Variants in DNM3 observed in about 807,000 individuals in gnomAD.
DNM3 encodes dynamin 3, also known as dynamin-3.
In DNM3, 47 loss-of-function variants were observed where a neutral mutation model predicts 101.6. That is an observed-to-expected ratio of 0.46 (90% confidence interval 0.37 to 0.59). The LOEUF is 0.59. DNM3 is among the 20% of genes least tolerant of loss of function. DNM3 has a pLI of 0.00. For synonymous variants in DNM3, 385 were observed against 387.9 expected (o/e 0.99, Z 0.09); for missense variants, 849 against 1,085.7 (o/e 0.78, Z 3.06).
chr1:172,132,079 G>T, intron 14 of DNM3, among the ~76,000 whole-genome samples: 1 of 152,076 alleles, frequency 6.6e-6, no homozygotes, highest in African/African-American at 2.4e-5. Flanking sequence ...TACTTATAAT[G>T]CGGCATGCAA....
At chr1:172,069,356 G>A (rs150443833) in intron 11 of DNM3, among the ~76,000 whole-genome samples, 2 of 152,168 alleles carry the variant, frequency 1.3e-5, no homozygotes, top group East Asian at 3.9e-4. Flanking sequence ...TTTTTCTGAG[G>A]AGAGAGTGGA....
At chr1:172,115,206 G>C (rs557921310) in intron 13 of DNM3, among the ~76,000 whole-genome samples, 14 of 152,200 alleles carry the variant, frequency 9.2e-5, no homozygotes, top group African/African-American at 3.4e-4. Context: ...TCCTCCAAGG[G>C]CATGGCATCT....
At chr1:172,225,438 C>T (rs1170223677) in intron 14 of DNM3, among the ~76,000 whole-genome samples, 2 of 151,846 alleles carry the variant, frequency 1.3e-5, no homozygotes, top group Non-Finnish European at 2.9e-5. Context: ...CCCGACCGTC[C>T]CTCCTTCTAA....
chr1:172,251,966 T>G (rs967232952), intron 14 of DNM3, among the ~76,000 whole-genome samples: 105 of 152,292 alleles, frequency 6.9e-4, no homozygotes, highest in Admixed American at 2.6e-3. Flanking sequence ...AAAGCTGGAC[T>G]CAACTATGGT....
chr1:171,967,206 T>C (rs1473493330), intron 2 of DNM3, among the ~76,000 whole-genome samples: 2 of 152,134 alleles, frequency 1.3e-5, no homozygotes, highest in African/African-American at 2.4e-5. Flanking sequence ...CTACATATGG[T>C]GGCAGTCTCA....
At chr1:172,262,190 C>T (rs2062683854) in intron 15 of DNM3, among the ~76,000 whole-genome samples, 1 of 152,082 alleles carries the variant, frequency 6.6e-6, no homozygotes, top group Admixed American at 6.5e-5. Context: ...TGTCTTGGCT[C>T]CGCAGCAGCT....
intron 1 of DNM3, among the ~76,000 whole-genome samples, chr1:171,911,673 C>T (rs1054666490): frequency 6.6e-6 from 1 of 152,162 alleles, no homozygotes; most frequent in African/African-American, 2.4e-5. Context: ...TTTCCAGCCT[C>T]CTGCCAAGGA....
intron 1 of DNM3, among the ~76,000 whole-genome samples, chr1:171,896,951 A>G (rs573776384): frequency 7.0e-4 from 106 of 152,298 alleles, no homozygotes; most frequent in African/African-American, 2.5e-3. Context: ...TGTTCTTTAC[A>G]TACTACTGCT....
At chr1:172,399,186 G>A (rs1027601889) in intron 20 of DNM3, among the ~76,000 whole-genome samples, 11 of 151,978 alleles carry the variant, frequency 7.2e-5, no homozygotes, top group Admixed American at 5.9e-4. Context: ...TACCCTTTTA[G>A]CACCAATTTT....
chr1:171,937,338 T>C (rs1314817072), intron 2 of DNM3, among the ~76,000 whole-genome samples: 1 of 152,192 alleles, frequency 6.6e-6, no homozygotes, highest in African/African-American at 2.4e-5. Flanking sequence ...TCTGAAAACA[T>C]TTCTTCTTAA....
chr1:172,051,799 T>A (rs760332804), intron 10 of DNM3, among the ~76,000 whole-genome samples: 10 of 152,292 alleles, frequency 6.6e-5, no homozygotes, highest in Non-Finnish European at 1.2e-4. Flanking sequence ...TGTACATCCA[T>A]CATTAGTTTT....
chr1:171,956,740 C>A (rs1387597700), intron 2 of DNM3, among the ~76,000 whole-genome samples: 2 of 152,194 alleles, frequency 1.3e-5, no homozygotes, highest in Non-Finnish European at 2.9e-5. Flanking sequence ...GAGGGCCCTG[C>A]CCCTGCAGCA....
chr1:172,223,138 A>G (rs1340788076), intron 14 of DNM3, among the ~76,000 whole-genome samples: 1 of 152,074 alleles, frequency 6.6e-6, no homozygotes, highest in Non-Finnish European at 1.5e-5. Context: ...TGTTAACTAT[A>G]GTCACCATAC....
At chr1:172,067,113 TA>T (rs1037873154) in intron 10 of DNM3, among the ~76,000 whole-genome samples, 13 of 152,188 alleles carry the variant, frequency 8.5e-5, no homozygotes, top group African/African-American at 2.9e-4. Flanking sequence ...GTAAGTCTTA[TA>T]AAAAAATAGC....
At position 172,167,140 on chromosome 1, in the gene DNM3, G is replaced by A. The variant is rs549980730; in HGVS notation, c.1659+35852G>A. 4.0e-5 allele frequency among the ~76,000 whole-genome samples: 6 copies of A among 151,880 alleles called. No homozygotes were observed. The South Asian group carries it at 1.2e-3, about 32-fold the overall frequency. ...TGTGTCCAAGTGTTCTCATTGTTCA[G>A]TTCCCACCTGTGAGTGAGAACATGC... On this transcript the variant is annotated intron_variant, in intron 14 of 20. Coordinates refer to ENST00000627582, the MANE Select transcript of DNM3 (RefSeq NM_015569.5).
intron 16 of DNM3, among the ~76,000 whole-genome samples, chr1:172,321,256 T>A (rs1213204192): frequency 1.3e-5 from 2 of 152,190 alleles, no homozygotes; most frequent in African/African-American, 4.8e-5. Context: ...GCATACATAT[T>A]TATTAAAGTG....
intron 15 of DNM3, among the ~76,000 whole-genome samples, chr1:172,296,325 C>A (rs2064158980): frequency 6.6e-6 from 1 of 152,228 alleles, no homozygotes; most frequent in African/African-American, 2.4e-5. Context: ...TTGTGTGATT[C>A]CTTCTGGACC....
At chr1:172,110,968 C>G (rs911924554) in intron 13 of DNM3, among the ~76,000 whole-genome samples, 3 of 152,124 alleles carry the variant, frequency 2.0e-5, no homozygotes, top group Non-Finnish European at 2.9e-5. Context: ...CCGGGGAGAT[C>G]GAGGTTGCAG....
At chr1:172,113,761 G>A (rs999205582) in intron 13 of DNM3, among the ~76,000 whole-genome samples, 2 of 151,832 alleles carry the variant, frequency 1.3e-5, no homozygotes, top group Admixed American at 1.3e-4. Flanking sequence ...ATCCTGCATC[G>A]TGTGGCATCA....
Sources: allele counts gnomAD v4.1 joint callset (sites outside exome capture counted in the v4.1 genomes callset), GRCh38; gene constraint gnomAD v4.1.1; transcripts MANE v1.5; gene names NCBI Gene and HGNC (gene_info 2026-07-23, HGNC 2026-07-21).